The following FRMD4B variants were observed in gnomAD, a reference collection of about 807,000 sequenced individuals.
FRMD4B encodes FERM domain-containing protein 4B.
A neutral mutation model predicts 141.5 loss-of-function variants in FRMD4B; 74 were observed. The ratio of observed to expected loss-of-function variants is 0.52; its 90% CI spans 0.43 to 0.63. The LOEUF (loss-of-function observed/expected upper bound fraction) is 0.63. Ranked by LOEUF, FRMD4B falls within the 30% of genes least tolerant of loss-of-function variation. The pLI is 0.00. For synonymous variants in FRMD4B, 506 were observed against 467.9 expected, an observed-to-expected ratio of 1.08 and a Z score of -1.05; for missense variants, 1,366 against 1,253.4, an observed-to-expected ratio of 1.09 and a Z score of -1.36.
At chr3:69,471,433 T>G (rs953004257) in intron 1 of FRMD4B, 9 of 250,048 alleles carry the variant, frequency 3.6e-5, no homozygotes, top group African/African-American at 1.8e-4. Flanking sequence ...TATCACTATA[T>G]TGCTGAGATT....
intron 1 of FRMD4B, among the ~76,000 whole-genome samples, chr3:69,490,047 T>C (rs1706277284): frequency 6.6e-6 from 1 of 152,150 alleles, no homozygotes; most frequent in Non-Finnish European, 1.5e-5. Context: ...CGTGGACGAA[T>C]GGCTGTCTAG....
chr3:69,223,651 C>A (rs1035646875), intron 8 of FRMD4B, among the ~76,000 whole-genome samples: 3 of 152,168 alleles, frequency 2.0e-5, no homozygotes, highest in African/African-American at 7.2e-5. Flanking sequence ...CCAGCCTGAT[C>A]AACATGGTGA....
intron 2 of FRMD4B, among the ~76,000 whole-genome samples, chr3:69,431,435 C>T (rs1220894462): frequency 6.6e-6 from 1 of 152,174 alleles, no homozygotes; most frequent in Admixed American, 6.5e-5. Context: ...ACTTGCCCAA[C>T]ATCTGTTATG....
At chr3:69,335,556 T>C (rs988474911) in intron 1 of FRMD4B, among the ~76,000 whole-genome samples, 3 of 151,348 alleles carry the variant, frequency 2.0e-5, no homozygotes, top group Admixed American at 6.6e-5. Flanking sequence ...ATCCTTGTGA[T>C]CTGCCCACCT....
chr3:69,265,247 T>A (rs1481678224), intron 5 of FRMD4B, among the ~76,000 whole-genome samples: 1 of 52,724 alleles, frequency 1.9e-5, no homozygotes, highest in Non-Finnish European at 3.3e-5. Flanking sequence ...ACAGCGAGAC[T>A]CCATCTCAAA....
At chr3:69,421,829 T>C (rs548160886) in intron 2 of FRMD4B, among the ~76,000 whole-genome samples, 21 of 152,198 alleles carry the variant, frequency 1.4e-4, no homozygotes, top group Non-Finnish European at 4.4e-5. Context: ...ATGTCTAAGA[T>C]AACTTTCAGC....
At chr3:69,199,027 T>C (rs1227620443) in intron 11 of FRMD4B, 5 of 363,976 alleles carry the variant, frequency 1.4e-5, no homozygotes, top group Admixed American at 4.2e-5. Context: ...TCACAGCACT[T>C]TGGGAGGCCG....
intron 6 of FRMD4B, 94 bp downstream of exon 6, chr3:69,249,949 A>C (rs1195988810): frequency 3.7e-6 from 3 of 821,838 alleles, no homozygotes; most frequent in African/African-American, 3.4e-5. Context: ...AATCCAACAA[A>C]CACTGGCCCA....
rs754741496 is a variant in FRMD4B at position 69,216,288 on chromosome 3, A to G, written c.851T>C (p.Ile284Thr). The change falls in exon 11 of 23, where the codon ATA becomes ACA. Residue 284 changes from isoleucine (I) to threonine (T), a missense_variant. Coordinates refer to ENST00000398540, the MANE Select transcript of FRMD4B (RefSeq NM_015123.3). ...CTTCCGAGGCTTCACCTTGTCTTGTATATCATATTGGCCAATTCCCTTATA... is the reference window on the plus strand; with the variant it reads ...CTTCCGAGGCTTCACCTTGTCTTGTGTATCATATTGGCCAATTCCCTTATA... ...ISYKGIGQYDIQDKVKPRKLF... is the reference protein window; with the variant it reads ...ISYKGIGQYDTQDKVKPRKLF... The G allele has an allele frequency of 7.7e-6, 12 of 1,566,646 alleles. No homozygotes were observed. The highest frequency in any genetic ancestry group is 1.8e-5 in the Admixed American group (1 of 56,360).
chr3:69,446,015 A>C (rs1455581890), intron 1 of FRMD4B, among the ~76,000 whole-genome samples: 1 of 152,050 alleles, frequency 6.6e-6, no homozygotes, highest in African/African-American at 2.4e-5. Flanking sequence ...AAATGAATGT[A>C]TGTGTTGATT....
chr3:69,426,319 A>C (rs908682015), intron 2 of FRMD4B, among the ~76,000 whole-genome samples: 2 of 123,498 alleles, frequency 1.6e-5, no homozygotes, highest in African/African-American at 8.0e-5. Flanking sequence ...AACTTTTAAA[A>C]GCGTGTGTGT....
At chr3:69,478,703 G>A (rs368670183) in intron 1 of FRMD4B, among the ~76,000 whole-genome samples, 6 of 152,066 alleles carry the variant, frequency 3.9e-5, no homozygotes, top group African/African-American at 1.4e-4. Context: ...TGGAGAGTTC[G>A]GTAGATGTCT....
At chr3:69,218,272 T>C in intron 10 of FRMD4B, 50 bp downstream of exon 10, 1 of 863,236 alleles carries the variant, frequency 1.2e-6, no homozygotes, top group South Asian at 1.5e-5. Context: ...GCTGGTATTG[T>C]GCAATAACTC....
At chr3:69,300,101 T>C (rs921494493) in intron 4 of FRMD4B, among the ~76,000 whole-genome samples, 9 of 152,224 alleles carry the variant, frequency 5.9e-5, no homozygotes. Context: ...AGAGACCCTC[T>C]GAGGAGCAAC....
At chr3:69,222,640 G>A (rs1012353064) in intron 8 of FRMD4B, among the ~76,000 whole-genome samples, 7 of 151,442 alleles carry the variant, frequency 4.6e-5, no homozygotes, top group South Asian at 2.1e-4. Flanking sequence ...TTGTGGTGGC[G>A]CATGCCTGTA....
At chr3:69,393,843 T>C (rs915754212) in intron 2 of FRMD4B, among the ~76,000 whole-genome samples, 10 of 152,132 alleles carry the variant, frequency 6.6e-5, no homozygotes, top group African/African-American at 2.4e-4. Context: ...TAGGAGAAAG[T>C]TATTTTGGCC....
At chr3:69,250,764 A>T (rs1206957296) in intron 5 of FRMD4B, among the ~76,000 whole-genome samples, 1 of 150,462 alleles carries the variant, frequency 6.6e-6, no homozygotes, top group Admixed American at 6.6e-5. Context: ...AACCCCAAAG[A>T]AAAATTGGAG....
chr3:69,240,918 G>A (rs1350212064), intron 7 of FRMD4B, among the ~76,000 whole-genome samples: 1 of 152,192 alleles, frequency 6.6e-6, no homozygotes, highest in African/African-American at 2.4e-5. Context: ...TTCATGTCAT[G>A]CTACTTTCTA....
At chr3:69,524,642 C>T (rs1700906371) in intron 1 of FRMD4B, among the ~76,000 whole-genome samples, 1 of 152,154 alleles carries the variant, frequency 6.6e-6, no homozygotes, top group Non-Finnish European at 1.5e-5. Context: ...GATGCTCTGC[C>T]ATCCTATGGT....
Sources: gnomAD v4.1 joint callset for allele counts (sites outside exome capture counted in the v4.1 genomes callset) on GRCh38, gnomAD v4.1.1 for gene constraint, MANE v1.5 for transcripts, NCBI Gene and HGNC (gene_info 2026-07-23, HGNC 2026-07-21) for gene names.